The following PRKD3 variants were observed in gnomAD, a reference collection of about 807,000 sequenced individuals.
The protein encoded by PRKD3 is serine/threonine-protein kinase D3.
Under a neutral mutation model 99.2 loss-of-function variants are expected in PRKD3, and 47 were observed. That is an observed-to-expected ratio of 0.47 (90% CI 0.38 to 0.60). PRKD3 has a LOEUF of 0.60. Among genes scored for constraint, PRKD3 ranks in the 20% least tolerant of loss-of-function variants. PRKD3 has a pLI of 0.00. For missense variants in PRKD3, 1,019 were observed against 1,088.4 expected (o/e 0.94, Z 0.90); for synonymous variants, 392 against 355.4 (o/e 1.10, Z -1.16).
At chr2:37,307,351 C>G (rs1056606016) in intron 2 of PRKD3, among the ~76,000 whole-genome samples, 1 of 152,044 alleles carries the variant, frequency 6.6e-6, no homozygotes, top group Non-Finnish European at 1.5e-5. Flanking sequence ...TAGAAGAACC[C>G]CTGGCCTTTT....
rs1208719694 is a variant in PRKD3 at position 37,286,288 on chromosome 2, T to C, written c.799A>G (p.Arg267Gly). The C allele has an allele frequency of 5.0e-6, 8 of 1,613,994 alleles. No homozygotes were observed. In the African/African-American group the frequency reaches 6.7e-5, roughly 13 times the overall value. Residue 267 changes from arginine (R) to glycine (G), a missense_variant, in exon 6 of 19, where the codon AGA (arginine) becomes GGA (glycine). Transcript: ENST00000234179. ...PIWMEKMVMC[R>G]VKVPHTFAVH... ...GCAAATGTGTGTGGAACTTTCACTC[T>C]GCACATTACCATCTTTTCCATCCAG... is the stretch of plus-strand genomic sequence containing the variant.
At chr2:37,310,703 A>C (rs909263855) in intron 2 of PRKD3, among the ~76,000 whole-genome samples, 1 of 152,126 alleles carries the variant, frequency 6.6e-6, no homozygotes, top group African/African-American at 2.4e-5. Context: ...ATCCATACAG[A>C]AAAAAACTTG....
At chr2:37,270,760 C>G (rs1163323653) in intron 12 of PRKD3, among the ~76,000 whole-genome samples, 1 of 152,180 alleles carries the variant, frequency 6.6e-6, no homozygotes, top group East Asian at 1.9e-4. Flanking sequence ...CCACTTTAAT[C>G]TTTTTGTTTA....
chr2:37,268,241 G>A (rs779115906), intron 13 of PRKD3: 2 of 456,718 alleles, frequency 4.4e-6, no homozygotes, highest in Non-Finnish European at 9.0e-6. Flanking sequence ...TGGCACAATC[G>A]TAAGTCTACT....
intron 17 of PRKD3, among the ~76,000 whole-genome samples, chr2:37,255,630 C>A (rs553133672): frequency 6.6e-6 from 1 of 152,268 alleles, no homozygotes; most frequent in African/African-American, 2.4e-5. Context: ...GTATAAGGAA[C>A]CGGAGCTAGG....
chr2:37,296,862 C>T (rs192754639), intron 2 of PRKD3, among the ~76,000 whole-genome samples: 5 of 144,334 alleles, frequency 3.5e-5, no homozygotes, highest in Admixed American at 2.9e-4. Context: ...ATGGCACCAC[C>T]GCACTCCAGC....
intron 18 of PRKD3, 87 bp downstream of exon 18, chr2:37,254,117 G>A (rs926822716): frequency 1.1e-6 from 1 of 937,990 alleles, no homozygotes; most frequent in Non-Finnish European, 1.7e-6. Context: ...TTATTCTGCT[G>A]ATCTTAGAGT....
At chr2:37,263,862 C>A (rs537778530) in intron 14 of PRKD3, among the ~76,000 whole-genome samples, 1 of 152,224 alleles carries the variant, frequency 6.6e-6, no homozygotes, top group East Asian at 1.9e-4. Context: ...ATGCTCACTT[C>A]TGTTAATCAT....
At chr2:37,304,561 T>A (rs2124877387) in intron 2 of PRKD3, among the ~76,000 whole-genome samples, 1 of 152,076 alleles carries the variant, frequency 6.6e-6, no homozygotes, top group East Asian at 1.9e-4. Flanking sequence ...GCCAACATGC[T>A]GAAACGCCAT....
At chr2:37,318,248 G>T (rs756918753) in intron 1 of PRKD3, among the ~76,000 whole-genome samples, 15 of 152,216 alleles carry the variant, frequency 9.9e-5, no homozygotes, top group Non-Finnish European at 1.8e-4. Context: ...AAAAACTGAA[G>T]ATGAAAGCTT....
intron 14 of PRKD3, among the ~76,000 whole-genome samples, chr2:37,267,150 G>A (rs1668899977): frequency 6.6e-6 from 1 of 152,010 alleles, no homozygotes. Context: ...AAACTGGATG[G>A]GTAAAACAGC....
chr2:37,314,693 T>C lies in PRKD3; in HGVS notation c.288+1544A>G, dbSNP rs114613242. ...TTGAAAACTAAATCATAGAGAGTCATCAAAACACTGGTTATGAGTTTCTAT... is the reference window on the plus strand; with the variant it reads ...TTGAAAACTAAATCATAGAGAGTCACCAAAACACTGGTTATGAGTTTCTAT... On this transcript the variant is annotated intron_variant, in intron 2 of 18. Coordinates refer to ENST00000234179, the MANE Select transcript of PRKD3 (RefSeq NM_005813.6). Among the ~76,000 whole-genome samples the C allele has an allele frequency of 8.5e-3, 1,295 of 152,168 alleles. 24 individuals are homozygous for C. Among genetic ancestry groups the C allele is most frequent in the African/African-American group, 0.03 (1,244 of 41,528 alleles).
chr2:37,299,300 T>C (rs1160348146), intron 2 of PRKD3, among the ~76,000 whole-genome samples: 1 of 152,066 alleles, frequency 6.6e-6, no homozygotes, highest in Non-Finnish European at 1.5e-5. Context: ...TCCAGGACAT[T>C]AGCCTGGGCA....
chr2:37,314,098 T>A (rs989318785), intron 2 of PRKD3, among the ~76,000 whole-genome samples: 1 of 152,294 alleles, frequency 6.6e-6, no homozygotes, highest in East Asian at 1.9e-4. Context: ...GAGATTTCAA[T>A]AGTCCTTTCT....
At chr2:37,288,540 A>T (rs1198288073) in intron 5 of PRKD3, among the ~76,000 whole-genome samples, 1 of 152,184 alleles carries the variant, frequency 6.6e-6, no homozygotes, top group African/African-American at 2.4e-5. Context: ...TAAGATTACA[A>T]CCTACAGATG....
intron 10 of PRKD3, among the ~76,000 whole-genome samples, chr2:37,275,340 G>C (rs1221152706): frequency 6.6e-6 from 1 of 152,148 alleles, no homozygotes; most frequent in African/African-American, 2.4e-5. Context: ...AATAAGCCAA[G>C]CAAGGAAGAC....
intron 6 of PRKD3, among the ~76,000 whole-genome samples, chr2:37,284,633 T>C (rs1670002789): frequency 6.6e-6 from 1 of 152,204 alleles, no homozygotes; most frequent in Non-Finnish European, 1.5e-5. Context: ...TTAATTTATG[T>C]AGTAACTCAT....
At chr2:37,316,164 C>A (rs1671645456) in intron 2 of PRKD3, 73 bp downstream of exon 2, 1 of 1,416,394 alleles carries the variant, frequency 7.1e-7, no homozygotes, top group African/African-American at 1.4e-5. Flanking sequence ...TCTTAACTCA[C>A]TGGTACACGT....
At position 37,259,631 on chromosome 2, in the gene PRKD3, A is replaced by G. The variant is rs28548299; in HGVS notation, c.2097T>C (p.Asp699=). The G allele has an allele frequency of 9.5e-3, 15,310 of 1,613,556 alleles. 214 individuals are homozygous for G. The highest frequency in any genetic ancestry group is 0.065 in the African/African-American group (4,873 of 74,980). ...NLHFKNIVHC[D]LKPENVLLAS... ...CAAGCAGCACATTTTCTGGCTTTAAATCACAGTGCACAATATTCTTAAAAT... is the reference window on the plus strand; with the variant it reads ...CAAGCAGCACATTTTCTGGCTTTAAGTCACAGTGCACAATATTCTTAAAAT... Residue 699 remains aspartate (D), a synonymous_variant, in exon 16 of 19, where the codon GAT becomes GAC. Transcript: ENST00000234179.
Sources: gnomAD v4.1 joint callset for allele counts (sites outside exome capture counted in the v4.1 genomes callset) on GRCh38, gnomAD v4.1.1 for gene constraint, MANE v1.5 for transcripts, NCBI Gene and HGNC (gene_info 2026-07-23, HGNC 2026-07-21) for gene names.